The following VPS37C variants were observed in gnomAD, a reference collection of about 807,000 sequenced individuals.
VPS37C encodes the protein VPS37C subunit of ESCRT-I.
A neutral mutation model predicts 16.1 loss-of-function variants in VPS37C; 9 were observed. That is an observed-to-expected ratio of 0.56 (90% CI 0.34 to 0.97). VPS37C has a LOEUF of 0.97. Among genes scored for constraint, VPS37C ranks in the 50% least tolerant of loss-of-function variants. VPS37C has a pLI of 0.02. For missense variants in VPS37C, 479 were observed against 472.7 expected (o/e 1.01, Z -0.12); for synonymous variants, 207 against 206.4 (o/e 1.00, Z -0.02).
intron 2 of VPS37C, 38 bp from the exon 3 acceptor site, chr11:61,134,245 C>T: frequency 6.3e-7 from 1 of 1,590,490 alleles, no homozygotes; most frequent in Non-Finnish European, 8.6e-7. Flanking sequence ...GGAAAACGTC[C>T]ATCACCCTTA....
Position 61,132,153 on chromosome 11 carries a change from G to T in VPS37C, c.735C>A (p.Tyr245Ter). 1 of 1,456,320 alleles carries T rather than the reference G, an allele frequency of 6.9e-7. No homozygotes were observed. The allele number at this position is 1,456,320 out of a possible 1,614,324, so 90.2% of individuals were successfully genotyped here. Residue 245 changes from tyrosine to a stop codon, truncating the protein, a stop_gained, in exon 5 of 5, where the codon TAC (tyrosine) becomes TAA (stop). Transcript: ENST00000301765. LOFTEE classifies it low-confidence loss of function (END_TRUNC). Reference protein sequence around the residue: ...SFYSGPLGPTYPAAQLGPRGA... With the variant: ...SFYSGPLGPT ...CCCTGGGTCCAAGCTGGGCTGCCGG[G>T]TAAGTGGGGCCCAGAGGCCCGCTGT...
chr11:61,131,694 G>T lies in VPS37C; in HGVS notation c.*126C>A. On this transcript the variant is annotated 3_prime_UTR_variant, in exon 5 of 5. Transcript: ENST00000301765. ...AGTGCCTTGTCCCTCCAAGGCCTCT[G>T]GGTGCCGACGCAAGTCCACAGGGAG... 1 of 1,206,502 alleles carries T rather than the reference G, an allele frequency of 8.3e-7. No homozygotes were observed. Among genetic ancestry groups the T allele is most frequent in the Non-Finnish European group, 1.0e-6 (1 of 965,240 alleles). 74.7% of individuals were successfully genotyped at this position (1,206,502 alleles called of 1,614,324 possible).
At position 61,132,232 on chromosome 11, in the gene VPS37C, G is replaced by T; in HGVS notation, c.656C>A (p.Ala219Asp). Residue 219 changes from alanine (A) to aspartate (D), a missense_variant, in exon 5 of 5, where the codon GCC becomes GAC. Transcript: ENST00000301765. Reference sequence around the variant, plus strand: ...AGGGGCCGGTGGCAGGGCTCCATGGGCAGTGGGGCCCACAGGCAGGCTGGG... The same window carrying T: ...AGGGGCCGGTGGCAGGGCTCCATGGTCAGTGGGGCCCACAGGCAGGCTGGG... The part of the protein sequence containing the change: ...PSPSLPVGPT[A>D]HGALPPAPFP... 6.6e-7 allele frequency: 1 copy of T among 1,517,082 alleles called. No homozygotes were observed. The highest frequency in any genetic ancestry group is 8.8e-7 in the Non-Finnish European group (1 of 1,132,324). 94.0% of individuals were successfully genotyped at this position (1,517,082 alleles called of 1,614,324 possible). A position where few individuals can be genotyped will look rare whatever the true frequency, so the allele number is the denominator to read the frequency against.
chr11:61,161,252 G>A (rs1042546252), intron 1 of VPS37C, 139 bp downstream of exon 1: 1 of 151,188 alleles, frequency 6.6e-6, no homozygotes, highest in African/African-American at 2.4e-5. Context: ...CGCGCCCCTC[G>A]TGCCCAATCA....
intron 2 of VPS37C, among the ~76,000 whole-genome samples, chr11:61,134,636 T>C (rs1861333877): frequency 6.6e-6 from 1 of 152,330 alleles, no homozygotes; most frequent in South Asian, 2.1e-4. Context: ...TGGGCTCAGG[T>C]GGTCCTGGCC....
intron 1 of VPS37C, among the ~76,000 whole-genome samples, chr11:61,160,133 A>G (rs1034428554): frequency 6.6e-6 from 1 of 152,142 alleles, no homozygotes; most frequent in Non-Finnish European, 1.5e-5. Flanking sequence ...AGCGGCCAGA[A>G]ACTGCTCAGA....
At chr11:61,151,309 G>GT (rs1853295304) in intron 1 of VPS37C, among the ~76,000 whole-genome samples, 1 of 152,172 alleles carries the variant, frequency 6.6e-6, no homozygotes, top group Non-Finnish European at 1.5e-5. Context: ...TACTAAAGTG[G>GT]TAACTACTCT....
intron 1 of VPS37C, among the ~76,000 whole-genome samples, chr11:61,147,409 T>C (rs1853228375): frequency 6.6e-6 from 1 of 152,036 alleles, no homozygotes; most frequent in African/African-American, 2.4e-5. Context: ...ACTAAATCGA[T>C]CCCACAGGTC....
chr11:61,160,064 G>C (rs1007326390), intron 1 of VPS37C, among the ~76,000 whole-genome samples: 3 of 152,112 alleles, frequency 2.0e-5, no homozygotes, highest in African/African-American at 4.8e-5. Flanking sequence ...GAAAGCCCTA[G>C]AACAGTGCCC....
At chr11:61,158,147 C>A (rs925549918) in intron 1 of VPS37C, among the ~76,000 whole-genome samples, 1 of 152,120 alleles carries the variant, frequency 6.6e-6, no homozygotes, top group South Asian at 2.1e-4. Flanking sequence ...TAATGCAATA[C>A]AATAAAGAAG....
At chr11:61,149,375 C>T (rs933716962) in intron 1 of VPS37C, among the ~76,000 whole-genome samples, 16 of 152,196 alleles carry the variant, frequency 1.1e-4, no homozygotes, top group Non-Finnish European at 1.5e-4. Flanking sequence ...CTTTCACTAG[C>T]TATATCACCA....
chr11:61,152,985 C>A (rs1370077822), intron 1 of VPS37C, among the ~76,000 whole-genome samples: 1 of 152,242 alleles, frequency 6.6e-6, no homozygotes, highest in African/African-American at 2.4e-5. Flanking sequence ...CATAGCATTT[C>A]TTATTTAGGA....
chr11:61,148,553 T>C (rs1194525067), intron 1 of VPS37C, among the ~76,000 whole-genome samples: 1 of 149,482 alleles, frequency 6.7e-6, no homozygotes, highest in African/African-American at 2.5e-5. Context: ...CAGACTCTTT[T>C]GTTTCCTGAC....
At chr11:61,160,535 A>G (rs1228010311) in intron 1 of VPS37C, among the ~76,000 whole-genome samples, 1 of 152,172 alleles carries the variant, frequency 6.6e-6, no homozygotes, top group Admixed American at 6.5e-5. Flanking sequence ...GTACCGCTGG[A>G]GCGAAGGGAA....
intron 1 of VPS37C, chr11:61,145,146 C>T (rs1368720545): frequency 1.3e-5 from 2 of 152,188 alleles, no homozygotes; most frequent in Non-Finnish European, 2.9e-5. Context: ...TTTACATAAC[C>T]TCTCTAGTAT....
chr11:61,133,210 CT>C (rs759868572), intron 4 of VPS37C, 44 bp downstream of exon 4: 1 of 1,601,694 alleles, frequency 6.2e-7, no homozygotes, highest in Non-Finnish European at 8.5e-7. Flanking sequence ...GCTGCAGGGA[CT>C]GACACCCCGT....
chr11:61,131,897 G>T lies in VPS37C; in HGVS notation c.991C>A (p.Gln331Lys), dbSNP rs922848517. Residue 331 changes from glutamine to lysine, a missense_variant, in exon 5 of 5, where the codon CAG (glutamine) becomes AAG (lysine). Gln to Lys is a moderately conservative substitution (Grantham distance 53). Coordinates refer to ENST00000301765, the MANE Select transcript of VPS37C (RefSeq NM_017966.5). Reference sequence around the variant, plus strand: ...GCGGGCCCGGGGGGATAAGGGGGCTGCAGGGGCACTGAGGGCTGGGGCTGG... The same window carrying T: ...GCGGGCCCGGGGGGATAAGGGGGCTTCAGGGGCACTGAGGGCTGGGGCTGG... ...PGQPQPSVPL[Q>K]PPYPPGPAPP... 19 of 1,283,820 alleles carry T rather than the reference G, an allele frequency of 1.5e-5. No individual in the cohort carries two copies. In the African/African-American group the frequency reaches 2.3e-4, roughly 16 times the overall value. 79.5% of individuals were successfully genotyped at this position (1,283,820 alleles called of 1,614,324 possible).
chr11:61,137,674 A>C (rs905943666), intron 2 of VPS37C, among the ~76,000 whole-genome samples: 3 of 152,210 alleles, frequency 2.0e-5, no homozygotes, highest in Non-Finnish European at 4.4e-5. Context: ...TTCGACAAGC[A>C]AGCTTTGCTC....
chr11:61,135,046 G>A (rs1218104048), intron 2 of VPS37C, among the ~76,000 whole-genome samples: 1 of 152,196 alleles, frequency 6.6e-6, no homozygotes, highest in East Asian at 1.9e-4. Flanking sequence ...GCAGCATGGG[G>A]CACCAGAAGA....
Sources: gnomAD v4.1 joint callset for allele counts (sites outside exome capture counted in the v4.1 genomes callset) on GRCh38, gnomAD v4.1.1 for gene constraint, MANE v1.5 for transcripts, NCBI Gene and HGNC (gene_info 2026-07-23, HGNC 2026-07-21) for gene names.